CC2D1B: variants seen among roughly 807,000 people sequenced by gnomAD.
The protein encoded by CC2D1B is coiled-coil and C2 domain-containing protein 1B.
In CC2D1B, 92 loss-of-function variants were observed where a neutral mutation model predicts 110.8. The observed-to-expected ratio is 0.83, with a 90% CI of 0.70 to 0.99. The LOEUF (loss-of-function observed/expected upper bound fraction) is 0.99, where lower values mean the gene tolerates loss of function less well. CC2D1B is among the 50% of genes least tolerant of loss of function. The pLI, the probability that CC2D1B is intolerant of heterozygous loss-of-function variation, is 0.00. For missense variants in CC2D1B, 1,136 were observed against 1,089.0 expected, an observed-to-expected ratio of 1.04 and a Z score of -0.61; for synonymous variants, 406 against 429.2, an observed-to-expected ratio of 0.95 and a Z score of 0.67.
chr1:52,360,607 T>G, intron 5 of CC2D1B, 58 bp from the exon 6 acceptor site: 1 of 1,576,698 alleles, frequency 6.3e-7, no homozygotes, highest in Non-Finnish European at 8.6e-7. Context: ...CCTACCATTC[T>G]CCCTCTGCGG....
At chr1:52,356,730 CAGAT>C (rs762579681) in intron 16 of CC2D1B, 3 of 599,596 alleles carry the variant, frequency 5.0e-6, no homozygotes, top group South Asian at 2.1e-5. Flanking sequence ...GGTGGCAGTT[CAGAT>C]AGATAAATAC....
In CC2D1B at chr1:52,352,063, A is replaced by C. The variant is rs867942845; in HGVS notation, c.*1162T>G. ...CTCAGTTCTTGAGCTGTGCTTATGC[A>C]ATACTATAGTGATCAGTAAGCTGAA... On this transcript the variant is annotated 3_prime_UTR_variant, in exon 25 of 25. Coordinates refer to ENST00000284376, the MANE Select transcript of CC2D1B (RefSeq NM_001330585.2). The C allele has an allele frequency of 2.0e-5, 3 of 152,278 alleles. No homozygotes were observed. Among genetic ancestry groups the C allele is most frequent in the African/African-American group, 7.2e-5 (3 of 41,550 alleles). 9.4% of individuals were successfully genotyped at this position (152,278 alleles called of 1,614,324 possible).
rs1296256708 is a variant in CC2D1B at position 52,359,749 on chromosome 1, C to T, written c.898G>A (p.Ala300Thr). The T allele has an allele frequency of 6.2e-6, 10 of 1,610,086 alleles. No homozygotes were observed. Among genetic ancestry groups the T allele is most frequent in the African/African-American group, 1.3e-5 (1 of 74,834 alleles). The change falls in exon 8 of 25, where the codon GCT (alanine) becomes ACT (threonine). Residue 300 changes from alanine (A) to threonine (T), a missense_variant. By Grantham distance (58) the Ala-to-Thr change is moderately conservative. Transcript: ENST00000284376. ...YKVAALSAKR[A>T]GELDRARELM... Reference sequence around the variant, plus strand: ...TCTCGGGCACGGTCTAGCTCTCCAGCCCGCTTGGCACTGAGGGCAGCCACT... The same window carrying T: ...TCTCGGGCACGGTCTAGCTCTCCAGTCCGCTTGGCACTGAGGGCAGCCACT...
Position 52,362,785 on chromosome 1 carries a change from G to T in CC2D1B, c.70-39C>A, listed in dbSNP as rs146685986. The T allele has an allele frequency of 2.4e-4, 383 of 1,610,130 alleles. 1 individual carries two copies. The African/African-American group carries it at 4.5e-3, about 19-fold the overall frequency. On this transcript the variant is annotated intron_variant, in intron 2 of 24. Coordinates refer to ENST00000284376, the MANE Select transcript of CC2D1B (RefSeq NM_001330585.2). ...AGGACTCTTAGGAACCACACAACAA[G>T]CAGGGTAGGGTCCAGCTCCAGAGCC... is the stretch of plus-strand genomic sequence containing the variant.
intron 5 of CC2D1B, 168 bp downstream of exon 5, chr1:52,360,806 T>G: frequency 1.0e-6 from 1 of 960,384 alleles, no homozygotes; most frequent in South Asian, 1.6e-5. Flanking sequence ...CCTTTGAGGC[T>G]GGCTGCCACG....
In CC2D1B at chr1:52,356,451, A is replaced by C. The variant is rs1646654602; in HGVS notation, c.1879-9T>G. On this transcript the variant is annotated splice_polypyrimidine_tract_variant and intron_variant, in intron 16 of 24. Transcript: ENST00000284376. ...GAGAACAGCAGGCACTTCTGAAAATAGAGGCCCAGAGTGACTCCCGAGCCC... is the reference window on the plus strand; with the variant it reads ...GAGAACAGCAGGCACTTCTGAAAATCGAGGCCCAGAGTGACTCCCGAGCCC... 6.2e-7 allele frequency: 1 copy of C among 1,614,214 alleles called. No individual in the cohort carries two copies. Among genetic ancestry groups the C allele is most frequent in the East Asian group, 2.2e-5 (1 of 44,886 alleles).
chr1:52,358,943 G>A, intron 11 of CC2D1B, 84 bp downstream of exon 11: 1 of 1,559,716 alleles, frequency 6.4e-7, no homozygotes, highest in Non-Finnish European at 8.7e-7. Context: ...GAAAAGACAA[G>A]GACTAGCCGG....
In CC2D1B at chr1:52,350,988, C is replaced by T. The variant is rs1232590720; in HGVS notation, c.*2237G>A. On this transcript the variant is annotated 3_prime_UTR_variant, in exon 25 of 25. Transcript: ENST00000284376. ...TCTTGAATTCCTGACCTCAGGTGAT[C>T]CACCTGCCTCAGCTTTCCAAAGTGG... The T allele has an allele frequency of 1.3e-5, 2 of 152,366 alleles. No individual in the cohort carries two copies. Among genetic ancestry groups the T allele is most frequent in the East Asian group, 3.9e-4 (2 of 5,182 alleles). 9.4% of individuals were successfully genotyped at this position (152,366 alleles called of 1,614,324 possible).
intron 21 of CC2D1B, among the ~76,000 whole-genome samples, chr1:52,355,175 T>G (rs1557541435): frequency 6.6e-6 from 1 of 152,200 alleles, no homozygotes; most frequent in Non-Finnish European, 1.5e-5. Context: ...ACAGAATTCC[T>G]GTGTTCATAT....
rs1646686675 is a variant in CC2D1B, at chr1:52,357,793, G to A, written c.1567C>T (p.Pro523Ser). ...GTCCCCAACTCACCAGATGGACTCG[G>A]TGACTCCTTAGAACTTGAGGCCCTG... ...EPRASSSKES[P>S]SPSVREQLAL... The change falls in exon 14 of 25, where the codon CCG becomes TCG. Residue 523 changes from proline to serine, a missense_variant. Pro to Ser is a moderately conservative substitution (Grantham distance 74). Transcript: ENST00000284376. 6.3e-7 allele frequency: 1 copy of A among 1,591,872 alleles called. No individual in the cohort carries two copies.
intron 3 of CC2D1B, among the ~76,000 whole-genome samples, chr1:52,362,314 C>T (rs956084150): frequency 2.0e-5 from 3 of 152,238 alleles, no homozygotes; most frequent in African/African-American, 7.2e-5. Context: ...CCAGTTCAGT[C>T]TGTGCTAACT....
chr1:52,358,977 A>C, intron 11 of CC2D1B, 50 bp downstream of exon 11: 2 of 1,590,428 alleles, frequency 1.3e-6, no homozygotes, highest in Non-Finnish European at 1.7e-6. Flanking sequence ...CAGAGCACCC[A>C]GCCAGGGAAG....
At position 52,360,114 on chromosome 1, in the gene CC2D1B, G is replaced by A; in HGVS notation, c.723C>T (p.Ser241=). 6.2e-7 allele frequency: 1 copy of A among 1,604,368 alleles called. No individual in the cohort carries two copies. Among genetic ancestry groups the A allele is most frequent in the South Asian group, 1.1e-5 (1 of 89,508 alleles). Residue 241 remains serine, a synonymous_variant, in exon 7 of 25, where the codon AGC becomes AGT. Transcript: ENST00000284376. ...GGGGAGCTGGAGGGTCTGTCTCAGGGCTCCTGTTGGCTGGTTCCTGGGGGG... is the reference window on the plus strand; with the variant it reads ...GGGGAGCTGGAGGGTCTGTCTCAGGACTCCTGTTGGCTGGTTCCTGGGGGG... ...PLAPQEPANR[S]PETDPPAPPA...
rs753141388 is a variant in CC2D1B, at chr1:52,357,675, C to T, written c.1603G>A (p.Glu535Lys). The T allele has an allele frequency of 1.1e-5, 17 of 1,604,102 alleles. No homozygotes were observed. The highest frequency in any genetic ancestry group is 3.4e-5 in the South Asian group (3 of 89,352). Reference protein sequence around the residue: ...PSVREQLALLEARKLQYQRAA... With the variant: ...PSVREQLALLKARKLQYQRAA... ...CGCTGATACTGCAGTTTCCGTGCCTCCAGCAGTGCCAGCTGCTCCCGCACT... is the reference window on the plus strand; with the variant it reads ...CGCTGATACTGCAGTTTCCGTGCCTTCAGCAGTGCCAGCTGCTCCCGCACT... The change falls in exon 15 of 25, where the codon GAG becomes AAG. Residue 535 changes from glutamate (E) to lysine (K), a missense_variant. Glu to Lys is a moderately conservative substitution (Grantham distance 56, BLOSUM62 1). Coordinates refer to ENST00000284376, the MANE Select transcript of CC2D1B (RefSeq NM_001330585.2).
At position 52,357,565 on chromosome 1, in the gene CC2D1B, G is replaced by A; in HGVS notation, c.1713C>T (p.Ile571=). Residue 571 remains isoleucine (I), a synonymous_variant, in exon 15 of 25, where the codon ATC becomes ATT. Transcript: ENST00000284376. The stretch of plus-strand genomic sequence containing the variant: ...CAGGTCTGCCAGATCGGGCCTGGAT[G>A]ATCTGAGCCTCAAGCCATTTGGCTA... ...LRVAKWLEAQ[I]IQARSGRPVD... The A allele has an allele frequency of 1.3e-6, 2 of 1,583,032 alleles. No individual in the cohort carries two copies. Among genetic ancestry groups the A allele is most frequent in the East Asian group, 4.6e-5 (2 of 43,392 alleles).
intron 2 of CC2D1B, among the ~76,000 whole-genome samples, 170 bp from the exon 3 acceptor site, chr1:52,362,916 T>C (rs1161226494): frequency 1.3e-5 from 2 of 152,158 alleles, no homozygotes; most frequent in African/African-American, 4.8e-5. Flanking sequence ...GACACTTACC[T>C]TCCTAGGGAC....
In CC2D1B at chr1:52,354,713, G is replaced by A; in HGVS notation, c.2340-15C>T. On this transcript the variant is annotated splice_polypyrimidine_tract_variant and intron_variant, in intron 22 of 24. Coordinates refer to ENST00000284376, the MANE Select transcript of CC2D1B (RefSeq NM_001330585.2). ...TGAAGAAGGACCTGGGGAGTCAAGA[G>A]GCAGCAGAGGATTGGACTGGGCAGG... 1 of 1,613,750 alleles carries A rather than the reference G, an allele frequency of 6.2e-7. No individual in the cohort carries two copies. The highest frequency in any genetic ancestry group is 1.3e-5 in the African/African-American group (1 of 75,048).
chr1:52,358,820 A>G (rs1300268785), intron 11 of CC2D1B, 62 bp from the exon 12 acceptor site: 12 of 1,523,046 alleles, frequency 7.9e-6, no homozygotes, highest in Non-Finnish European at 1.1e-5. Flanking sequence ...CCTGCCCAAC[A>G]TGACACACAG....
At position 52,359,313 on chromosome 1, in the gene CC2D1B, C is replaced by G; in HGVS notation, c.1063G>C (p.Val355Leu). 6.2e-7 allele frequency: 1 copy of G among 1,613,424 alleles called. No individual in the cohort carries two copies. Among genetic ancestry groups the G allele is most frequent in the South Asian group, 1.1e-5 (1 of 90,954 alleles). Residue 355 changes from valine (V) to leucine (L), a missense_variant, in exon 10 of 25, where the codon GTC becomes CTC. Coordinates refer to ENST00000284376, the MANE Select transcript of CC2D1B (RefSeq NM_001330585.2). ...QASQAPTAPS[V>L]IPPAVERVQP... ...ACTCGCTCCACGGCTGGGGGAATGA[C>G]TGAGGGTGCTGTGGGAGCCTGAGAA...
Sources: gnomAD v4.1 joint callset for allele counts (sites outside exome capture counted in the v4.1 genomes callset) on GRCh38, gnomAD v4.1.1 for gene constraint, MANE v1.5 for transcripts, NCBI Gene and HGNC (gene_info 2026-07-23, HGNC 2026-07-21) for gene names.